ZC3H7A: variants seen among roughly 807,000 people sequenced by gnomAD.
The protein encoded by ZC3H7A is zinc finger CCCH domain-containing protein 7A.
ZC3H7A carries 44 observed loss-of-function variants against 125.5 expected under a neutral mutation model. The observed-to-expected ratio is 0.35, with a 90% CI of 0.28 to 0.45. The LOEUF (loss-of-function observed/expected upper bound fraction) is 0.45. Ranked by LOEUF, ZC3H7A falls within the 20% of genes least tolerant of loss-of-function variation. The pLI is 1.00. For synonymous variants in ZC3H7A, 399 were observed against 391.2 expected, an observed-to-expected ratio of 1.02 and a Z score of -0.23; for missense variants, 977 against 1,170.7, an observed-to-expected ratio of 0.83 and a Z score of 2.41.
chr16:11,777,473 C>T (rs1051541463), intron 4 of ZC3H7A, among the ~76,000 whole-genome samples: 1 of 152,222 alleles, frequency 6.6e-6, no homozygotes, highest in Non-Finnish European at 1.5e-5. Flanking sequence ...GTAGTCCCAG[C>T]ACTTTGGGAG....
chr16:11,761,447 G>A lies in ZC3H7A; in HGVS notation c.2278C>T (p.Arg760Cys). 1 of 1,614,084 alleles carries A rather than the reference G, an allele frequency of 6.2e-7. No individual in the cohort carries two copies. The highest frequency in any genetic ancestry group is 8.5e-7 in the Non-Finnish European group (1 of 1,179,984). The change falls in exon 19 of 23, where the codon CGT becomes TGT. Residue 760 changes from arginine to cysteine, a missense_variant. Physicochemically the swap from Arg to Cys is radical, Grantham distance 180. Transcript: ENST00000355758. The part of the protein sequence containing the change: ...SIERKKWMNI[R>C]PLPTKKQMPL... ...ATTTGTTTCTTTGTGGGGAGAGGAC[G>A]GATGTTCATCCACTTCTTACGTTCA...
At chr16:11,790,936 G>A (rs2053340131) in intron 1 of ZC3H7A, among the ~76,000 whole-genome samples, 1 of 151,654 alleles carries the variant, frequency 6.6e-6, no homozygotes, top group African/African-American at 2.4e-5. Context: ...CCAGACTGGT[G>A]GCACCTGCTT....
At chr16:11,790,632 C>A (rs546556137) in intron 1 of ZC3H7A, among the ~76,000 whole-genome samples, 8 of 152,120 alleles carry the variant, frequency 5.3e-5, no homozygotes, top group Middle Eastern at 3.4e-3. Context: ...CTCCGCCTCC[C>A]AGGTTCAAGC....
rs780165274 is a variant in ZC3H7A at position 11,765,166 on chromosome 16, G to T, written c.1720-13C>A. The T allele has an allele frequency of 6.9e-7, 1 of 1,449,724 alleles. No homozygotes were observed. The highest frequency in any genetic ancestry group is 9.3e-7 in the Non-Finnish European group (1 of 1,073,850). The allele number at this position is 1,449,724 out of a possible 1,614,324, so 89.8% of individuals were successfully genotyped here. ...GATCAAAACATTTCTGGAATAGAGA[G>T]AGAAAGATTATCAAAAAAAATACAA... On this transcript the variant is annotated splice_polypyrimidine_tract_variant and intron_variant, in intron 14 of 22. Coordinates refer to ENST00000355758, the MANE Select transcript of ZC3H7A (RefSeq NM_014153.4). The surrounding 1 kb of genome is among the most constrained non-coding windows in gnomAD (Gnocchi z 4.8).
chr16:11,794,634 G>C (rs1270414170), intron 1 of ZC3H7A, among the ~76,000 whole-genome samples: 1 of 149,952 alleles, frequency 6.7e-6, no homozygotes, highest in Non-Finnish European at 1.5e-5. Flanking sequence ...GCCCTTTCTA[G>C]GGTATCTGTG....
intron 1 of ZC3H7A, among the ~76,000 whole-genome samples, chr16:11,791,088 AACACACACACACACACACACACAC>A (rs34972921): frequency 7.3e-6 from 1 of 136,116 alleles, no homozygotes; most frequent in African/African-American, 2.8e-5. Flanking sequence ...AAATTTTTAA[AACACACACACACACACACACACAC>A]ACACACACAC....
chr16:11,758,700 T>G, intron 19 of ZC3H7A, 161 bp from the exon 20 acceptor site: 1 of 580,778 alleles, frequency 1.7e-6, no homozygotes, highest in South Asian at 2.2e-5. Context: ...CTATATGCTC[T>G]AAATATATGA....
chr16:11,762,116 A>G (rs144248837), intron 17 of ZC3H7A, 73 bp from the exon 18 acceptor site: 2 of 1,429,890 alleles, frequency 1.4e-6, no homozygotes, highest in Admixed American at 5.5e-5. Context: ...ATACTAAATC[A>G]AGATGCATTT....
Position 11,769,019 on chromosome 16 carries a change from A to G in ZC3H7A, c.1173+12T>C. ...CAAGCGATGTATTTACAAAAGAGGA[A>G]GTGGCACTTACAAGTAAAAGGGAAG... On this transcript the variant is annotated intron_variant, in intron 11 of 22. Coordinates refer to ENST00000355758, the MANE Select transcript of ZC3H7A (RefSeq NM_014153.4). 1.2e-6 allele frequency: 2 copies of G among 1,601,142 alleles called. No individual in the cohort carries two copies. Among genetic ancestry groups the G allele is most frequent in the Non-Finnish European group, 1.7e-6 (2 of 1,175,392 alleles).
At chr16:11,759,659 A>AT (rs924466504) in intron 19 of ZC3H7A, 1 of 152,248 alleles carries the variant, frequency 6.6e-6, no homozygotes, top group Non-Finnish European at 1.5e-5. Flanking sequence ...AGGTGTTTAC[A>AT]TAACACCATC....
At chr16:11,784,402 A>G (rs1440296708) in intron 1 of ZC3H7A, among the ~76,000 whole-genome samples, 1 of 152,122 alleles carries the variant, frequency 6.6e-6, no homozygotes, top group Non-Finnish European at 1.5e-5. Context: ...AGGAAGCACT[A>G]TTTGTAAAAG....
rs201993135 is a variant in ZC3H7A, at chr16:11,758,447, G to A, written c.2412C>T (p.Tyr804=). The A allele has an allele frequency of 9.7e-5, 157 of 1,613,016 alleles. No homozygotes were observed. The highest frequency in any genetic ancestry group is 3.8e-4 in the Admixed American group (23 of 60,014). The change falls in exon 20 of 23, where the codon TAC becomes TAT. Residue 804 remains tyrosine, a synonymous_variant. Transcript: ENST00000355758. ...TTAACTTACTCCCATTCTCCTTCATGTAAGTCCAAACTTCTCTTTCCTCAG... is the reference window on the plus strand; with the variant it reads ...TTAACTTACTCCCATTCTCCTTCATATAAGTCCAAACTTCTCTTTCCTCAG... ...HSPEEREVWT[Y]MKENGIQDME...
Position 11,751,092 on chromosome 16 carries a change from A to G in ZC3H7A, c.*225T>C, listed in dbSNP as rs370215142. On this transcript the variant is annotated 3_prime_UTR_variant, in exon 23 of 23. Transcript: ENST00000355758. ...TCCAAAAGTCTGTTCAACAGATGGCAACCGGGTAGCAGTCACTTCACCATC... is the reference window on the plus strand; with the variant it reads ...TCCAAAAGTCTGTTCAACAGATGGCGACCGGGTAGCAGTCACTTCACCATC... The G allele has an allele frequency of 3.6e-5, 16 of 444,970 alleles. No individual in the cohort carries two copies. The East Asian group carries it at 3.9e-4, about 11-fold the overall frequency. The allele number at this position is 444,970 out of a possible 1,614,324, so 27.6% of individuals were successfully genotyped here.
chr16:11,765,743 G>T lies in ZC3H7A; in HGVS notation c.1523-58C>A. The T allele has an allele frequency of 6.6e-7, 1 of 1,523,986 alleles. No individual in the cohort carries two copies. Among genetic ancestry groups the T allele is most frequent in the Non-Finnish European group, 8.9e-7 (1 of 1,122,908 alleles). The allele number at this position is 1,523,986 out of a possible 1,614,324, so 94.4% of individuals were successfully genotyped here. On this transcript the variant is annotated intron_variant, in intron 13 of 22. Coordinates refer to ENST00000355758, the MANE Select transcript of ZC3H7A (RefSeq NM_014153.4). The surrounding 1 kb of genome is among the most constrained non-coding windows in gnomAD (Gnocchi z 4.8). ...ACATGGCAATTGGCCTGTACTCCCAGCTACTTGGGAGGCTGAGGTGGGAGG... is the reference window on the plus strand; with the variant it reads ...ACATGGCAATTGGCCTGTACTCCCATCTACTTGGGAGGCTGAGGTGGGAGG...
intron 5 of ZC3H7A, 71 bp from the exon 6 acceptor site, chr16:11,776,603 G>T: frequency 6.6e-7 from 1 of 1,506,292 alleles, no homozygotes; most frequent in East Asian, 2.3e-5. Context: ...GACAAAACAG[G>T]GAAGTTTCCC....
In ZC3H7A at chr16:11,772,400, C is replaced by G. The variant is rs558737895; in HGVS notation, c.904-1413G>C. Among the ~76,000 whole-genome samples the G allele has an allele frequency of 2.6e-5, 4 of 151,814 alleles. No individual in the cohort carries two copies. The East Asian group carries it at 5.8e-4, about 22-fold the overall frequency. On this transcript the variant is annotated intron_variant, in intron 9 of 22. Transcript: ENST00000355758. ...CAAAGCTGCAACTCACTGAGAGCTT[C>G]CACGCACCTTACGTTATGGTATCAT...
At chr16:11,785,094 G>T (rs532544100) in intron 1 of ZC3H7A, among the ~76,000 whole-genome samples, 42 of 152,064 alleles carry the variant, frequency 2.8e-4, no homozygotes, top group Non-Finnish European at 5.0e-4. Context: ...GGAGGCGGAG[G>T]TTGCAGTGAG....
Position 11,769,031 on chromosome 16 carries a change from A to T in ZC3H7A, c.1173T>A (p.Leu391=), listed in dbSNP as rs758540705. 3.9e-5 allele frequency: 62 copies of T among 1,606,398 alleles called. No homozygotes were observed. Among genetic ancestry groups the T allele is most frequent in the Non-Finnish European group, 5.0e-5 (59 of 1,177,392 alleles). The change falls in exon 11 of 23, where the codon CTT becomes CTA. Residue 391 remains leucine (L), a splice_region_variant and synonymous_variant. Transcript: ENST00000355758. The part of the protein sequence containing the change: ...PLNNSNSSLL[L]MNGPGSLFAS... ...TTACAAAAGAGGAAGTGGCACTTAC[A>T]AGTAAAAGGGAAGAATTACTGTTGT...
intron 18 of ZC3H7A, 171 bp downstream of exon 18, chr16:11,761,739 T>C (rs1388813211): frequency 1.0e-6 from 1 of 958,150 alleles, no homozygotes; most frequent in Non-Finnish European, 1.5e-6. Flanking sequence ...TACTTGTGAA[T>C]TCTTATCTAC....
Sources: gnomAD v4.1 joint callset for allele counts (sites outside exome capture counted in the v4.1 genomes callset) on GRCh38, gnomAD v4.1.1 for gene constraint, Gnocchi (gnomAD v3.1) non-coding constraint, MANE v1.5 for transcripts, NCBI Gene and HGNC (gene_info 2026-07-23, HGNC 2026-07-21) for gene names.